The following MS4A5 variants were observed in gnomAD, a reference collection of about 807,000 sequenced individuals.
MS4A5 encodes membrane-spanning 4-domains subfamily A member 5.
Under a neutral mutation model 18.2 loss-of-function variants are expected in MS4A5, and 15 were observed. The ratio of observed to expected loss-of-function variants is 0.83; its 90% CI spans 0.55 to 1.27. The LOEUF is 1.27. MS4A5 is among the 50% of genes most tolerant of loss of function. The pLI, the probability that MS4A5 is intolerant of heterozygous loss-of-function variation, is 0.00. For synonymous variants in MS4A5, 89 were observed against 78.7 expected (o/e 1.13, Z -0.69); for missense variants, 232 against 225.7 (o/e 1.03, Z -0.18).
chr11:60,435,987 A>G (rs1347186843), intron 4 of MS4A5, among the ~76,000 whole-genome samples: 1 of 152,174 alleles, frequency 6.6e-6, no homozygotes, highest in Non-Finnish European at 1.5e-5. Context: ...CAGGGCACAG[A>G]CAAACAAAAA....
intron 4 of MS4A5, among the ~76,000 whole-genome samples, chr11:60,447,004 C>T (rs995501992): frequency 6.7e-6 from 1 of 149,876 alleles, no homozygotes; most frequent in African/African-American, 2.5e-5. Context: ...TTTTTATATG[C>T]CTTTCTCTAA....
At chr11:60,430,356 C>T (rs1245565656) in intron 1 of MS4A5, among the ~76,000 whole-genome samples, 1 of 152,158 alleles carries the variant, frequency 6.6e-6, no homozygotes, top group Non-Finnish European at 1.5e-5. Flanking sequence ...CCAGGCAGGG[C>T]TCCTCACAGT....
rs1265266025 is a variant in MS4A5, at chr11:60,435,388, A to G, written c.492+1471A>G. On this transcript the variant is annotated intron_variant, in intron 4 of 4. Transcript: ENST00000300190. ...TATTAGAAGAGATTTTAAAACCACA[A>G]TATTTATCATGTTTTAAGAAATAAA... 8.9e-6 allele frequency: 4 copies of G among 447,534 alleles called. No homozygotes were observed. In the Admixed American group the frequency reaches 1.0e-4, roughly 11 times the overall value. The allele number at this position is 447,534 out of a possible 1,614,324, so 27.7% of individuals were successfully genotyped here.
At chr11:60,431,303 A>C (rs1032604848) in intron 2 of MS4A5, among the ~76,000 whole-genome samples, 4 of 152,232 alleles carry the variant, frequency 2.6e-5, no homozygotes, top group African/African-American at 9.6e-5. Context: ...GTTATCACAG[A>C]GGTGCAGGAA....
At position 60,429,899 on chromosome 11, in the gene MS4A5, A is replaced by C. The variant is rs963225749; in HGVS notation, c.153+72A>C. On this transcript the variant is annotated intron_variant, in intron 1 of 4. Transcript: ENST00000300190. ...GGCTAGGGAAATTATCTGTTGGCAC[A>C]TGTTTGAAGGTAGGAGCCTATTCCA... 5.2e-5 allele frequency: 75 copies of C among 1,433,420 alleles called. 1 individual carries two copies. Among genetic ancestry groups the C allele is most frequent in the African/African-American group, 2.4e-4 (17 of 70,638 alleles). 88.8% of individuals were successfully genotyped at this position (1,433,420 alleles called of 1,614,324 possible).
chr11:60,447,160 C>A (rs201043546), intron 4 of MS4A5, among the ~76,000 whole-genome samples: 15 of 117,240 alleles, frequency 1.3e-4, no homozygotes, highest in African/African-American at 4.0e-4. Context: ...CTATCCTATG[C>A]TATCCTATGT....
chr11:60,432,385 A>G (rs1364781471), intron 2 of MS4A5, 26 bp from the exon 3 acceptor site: 1 of 1,488,424 alleles, frequency 6.7e-7, no homozygotes, highest in Non-Finnish European at 9.3e-7. Flanking sequence ...CATGGTCATC[A>G]TTAACATATT....
chr11:60,436,520 T>A (rs1359834429), intron 4 of MS4A5, among the ~76,000 whole-genome samples: 8 of 132,870 alleles, frequency 6.0e-5, no homozygotes, highest in African/African-American at 2.0e-4. Context: ...GTTGAAAACT[T>A]TGAAAAAAAT....
intron 4 of MS4A5, among the ~76,000 whole-genome samples, chr11:60,441,249 G>T (rs1251456077): frequency 1.4e-5 from 2 of 138,296 alleles, no homozygotes; most frequent in Admixed American, 1.6e-4. Context: ...GACACAGGAA[G>T]GGGAATATCA....
intron 4 of MS4A5, among the ~76,000 whole-genome samples, chr11:60,440,094 C>G (rs1192520641): frequency 8.1e-6 from 1 of 123,732 alleles, no homozygotes; most frequent in Non-Finnish European, 1.7e-5. Context: ...ATCAATGGAA[C>G]AGAACAGAGC....
At position 60,433,836 on chromosome 11, in the gene MS4A5, T is replaced by G. The variant is rs1250119330; in HGVS notation, c.411T>G (p.Phe137Leu). ...TAGCTGGAATCATTCTCCTCACATT[T>G]GGTTTCATCCTAGATCAAAACTACA... ...GAIAGIILLT[F>L]GFILDQNYIC... Residue 137 changes from phenylalanine (F) to leucine (L), a missense_variant, in exon 4 of 5, where the codon TTT becomes TTG. Phe to Leu is a conservative substitution (Grantham distance 22). Transcript: ENST00000300190. The G allele has an allele frequency of 6.2e-7, 1 of 1,614,038 alleles. No individual in the cohort carries two copies. Among genetic ancestry groups the G allele is most frequent in the South Asian group, 1.1e-5 (1 of 91,080 alleles).
intron 4 of MS4A5, among the ~76,000 whole-genome samples, chr11:60,442,660 T>TA (rs1226503475): frequency 2.6e-5 from 4 of 152,050 alleles, no homozygotes; most frequent in East Asian, 1.9e-4. Context: ...AAAATAATAA[T>TA]AAAAAAAGAA....
At chr11:60,435,417 G>C (rs948949768) in intron 4 of MS4A5, 15 of 446,786 alleles carry the variant, frequency 3.4e-5, no homozygotes, top group South Asian at 9.6e-5. Flanking sequence ...AAATAAATGA[G>C]GGGGGAGGAG....
At position 60,447,366 on chromosome 11, in the gene MS4A5, TATGCA is replaced by T. The variant is rs1339443787; in HGVS notation, c.493-277_493-273del. Among the ~76,000 whole-genome samples, 925 of 134,886 alleles carry T rather than the reference TATGCA, an allele frequency of 6.9e-3. 15 individuals carry two copies. The highest frequency in any genetic ancestry group is 0.026 in the African/African-American group (893 of 34,970). The allele number at this position is 134,886 out of a possible 152,430, so 88.5% of individuals were successfully genotyped here. A position where few individuals can be genotyped will look rare whatever the true frequency, so the allele number is the denominator to read the frequency against. On this transcript the variant is annotated intron_variant, in intron 4 of 4. Coordinates refer to ENST00000300190, the MANE Select transcript of MS4A5 (RefSeq NM_023945.3). ...TATGCTATGCTATGCTATGCTATGC[TATGCA>T]ATGCAGTGCTATGCTATCCTATGCT...
chr11:60,442,039 C>T (rs760656930), intron 4 of MS4A5, among the ~76,000 whole-genome samples: 4 of 152,130 alleles, frequency 2.6e-5, no homozygotes, highest in Non-Finnish European at 5.9e-5. Flanking sequence ...AATTTTAGCA[C>T]ACATTTCTCA....
intron 1 of MS4A5, 89 bp from the exon 2 acceptor site, chr11:60,430,707 A>C: frequency 6.7e-7 from 1 of 1,501,200 alleles, no homozygotes; most frequent in South Asian, 1.2e-5. Flanking sequence ...AGTAATTGCC[A>C]AATCCTTTTG....
At chr11:60,430,983 C>T (rs2086045903) in intron 2 of MS4A5, 59 bp downstream of exon 2, 1 of 1,560,202 alleles carries the variant, frequency 6.4e-7, no homozygotes, top group Admixed American at 2.0e-5. Context: ...TTAGGGAATT[C>T]TTCACAATGA....
At chr11:60,435,673 C>T (rs928687585) in intron 4 of MS4A5, among the ~76,000 whole-genome samples, 20 of 152,162 alleles carry the variant, frequency 1.3e-4, no homozygotes, top group Non-Finnish European at 2.1e-4. Flanking sequence ...GGGTGACGGA[C>T]GGCACCTAGA....
At chr11:60,442,679 A>G in intron 4 of MS4A5, among the ~76,000 whole-genome samples, 1 of 152,182 alleles carries the variant, frequency 6.6e-6, no homozygotes, top group East Asian at 1.9e-4. Flanking sequence ...AATACAATAT[A>G]CTGTCATTAA....
Sources: allele counts gnomAD v4.1 joint callset (sites outside exome capture counted in the v4.1 genomes callset), GRCh38; gene constraint gnomAD v4.1.1; transcripts MANE v1.5; gene names NCBI Gene and HGNC (gene_info 2026-07-23, HGNC 2026-07-21).